Variants in UQCRC2 observed in about 807,000 individuals in gnomAD.
UQCRC2 encodes the protein cytochrome b-c1 complex subunit 2, mitochondrial.
In UQCRC2, 49 loss-of-function variants were observed where a neutral mutation model predicts 55.6. The observed-to-expected ratio is 0.88, with a 90% CI of 0.70 to 1.12. The LOEUF (loss-of-function observed/expected upper bound fraction) is 1.12, where lower values mean the gene tolerates loss of function less well. Ranked by LOEUF, UQCRC2 falls within the 50% of genes most tolerant of loss-of-function variation. The pLI is 0.00. For missense variants in UQCRC2, 506 were observed against 547.8 expected, an observed-to-expected ratio of 0.92 and a Z score of 0.76; for synonymous variants, 193 against 192.0, an observed-to-expected ratio of 1.01 and a Z score of -0.04.
chr16:21,955,437 A>AG (rs1278548333), intron 1 of UQCRC2, among the ~76,000 whole-genome samples: 1 of 152,224 alleles, frequency 6.6e-6, no homozygotes, highest in Non-Finnish European at 1.5e-5. Context: ...AACTCCAGTG[A>AG]GGAGGTGTTC....
chr16:21,964,275 G>A (rs1445676009), intron 6 of UQCRC2, among the ~76,000 whole-genome samples: 1 of 152,166 alleles, frequency 6.6e-6, no homozygotes, highest in African/African-American at 2.4e-5. Flanking sequence ...CTTCCCCACT[G>A]GCGGCAGTGA....
Position 21,980,807 on chromosome 16 carries a change from T to C in UQCRC2, c.1278+107T>C. On this transcript the variant is annotated intron_variant, in intron 13 of 13. Coordinates refer to ENST00000268379, the MANE Select transcript of UQCRC2 (RefSeq NM_003366.4). ...TTGGGCAGTGTATTATTCTTATGTT[T>C]GGTGCTCATCTACTTAATGTGGAGG... 2.3e-6 allele frequency: 3 copies of C among 1,312,034 alleles called. No homozygotes were observed. In the South Asian group the frequency reaches 4.5e-5, roughly 20 times the overall value. 81.3% of individuals were successfully genotyped at this position (1,312,034 alleles called of 1,614,324 possible). A position where few individuals can be genotyped will look rare whatever the true frequency, so the allele number is the denominator to read the frequency against.
At chr16:21,958,640 A>G (rs1293601643) in intron 4 of UQCRC2, 41 bp downstream of exon 4, 2 of 1,557,274 alleles carry the variant, frequency 1.3e-6, no homozygotes, top group African/African-American at 1.4e-5. Flanking sequence ...AAATGCCAGA[A>G]AATATTCAAT....
chr16:21,953,655 C>T (rs1898048229), intron 1 of UQCRC2, among the ~76,000 whole-genome samples, 199 bp downstream of exon 1: 1 of 152,080 alleles, frequency 6.6e-6, no homozygotes, highest in South Asian at 2.1e-4. Context: ...AGACCTAACA[C>T]CGGGAAACCT....
intron 13 of UQCRC2, among the ~76,000 whole-genome samples, 163 bp from the exon 14 acceptor site, chr16:21,982,925 C>T (rs554979150): frequency 6.9e-6 from 1 of 143,990 alleles, no homozygotes; most frequent in East Asian, 2.0e-4. Flanking sequence ...GATCGCAGCA[C>T]TGCACTCCAC....
Position 21,972,005 on chromosome 16 carries a change from A to C in UQCRC2, c.849A>C (p.Ala283=). ...AESAVAGSAE[A]NAFSVLQHVL... ...GTGCTGTCGCGGGAAGTGCAGAGGC[A>C]AATGCATTTAGTGTTCTTCAGCATG... Residue 283 remains alanine (A), a synonymous_variant, in exon 10 of 14, where the codon GCA becomes GCC. Coordinates refer to ENST00000268379, the MANE Select transcript of UQCRC2 (RefSeq NM_003366.4). The C allele has an allele frequency of 6.2e-7, 1 of 1,614,174 alleles. No individual in the cohort carries two copies. The highest frequency in any genetic ancestry group is 8.5e-7 in the Non-Finnish European group (1 of 1,180,026).
intron 8 of UQCRC2, 97 bp downstream of exon 8, chr16:21,968,782 A>G: frequency 9.1e-7 from 1 of 1,094,514 alleles, no homozygotes; most frequent in Non-Finnish European, 1.3e-6. Context: ...AAATTTGAAA[A>G]CTTCGGCCTT....
intron 1 of UQCRC2, among the ~76,000 whole-genome samples, chr16:21,955,025 A>G (rs1286386739): frequency 7.1e-6 from 1 of 141,392 alleles, no homozygotes; most frequent in Non-Finnish European, 1.5e-5. Flanking sequence ...GCTGCACTCC[A>G]GCCTAGACGA....
chr16:21,980,429 C>T (rs1314881781), intron 12 of UQCRC2, 118 bp from the exon 13 acceptor site: 1 of 1,033,304 alleles, frequency 9.7e-7, no homozygotes, highest in Non-Finnish European at 1.4e-6. Flanking sequence ...AAGAGGGAGA[C>T]ACGCTGTTAC....
At chr16:21,964,351 C>T (rs1030861218) in intron 6 of UQCRC2, among the ~76,000 whole-genome samples, 1 of 151,946 alleles carries the variant, frequency 6.6e-6, no homozygotes, top group Admixed American at 6.6e-5. Context: ...TGTCAGCCTC[C>T]AGGTTTACGT....
At chr16:21,976,109 G>T in intron 11 of UQCRC2, 58 bp from the exon 12 acceptor site, 1 of 1,218,506 alleles carries the variant, frequency 8.2e-7, no homozygotes. Context: ...AAGTGTGTCA[G>T]TGCTGCAGGA....
intron 1 of UQCRC2, among the ~76,000 whole-genome samples, chr16:21,955,396 G>A (rs1174934658): frequency 6.6e-6 from 1 of 152,212 alleles, no homozygotes; most frequent in Non-Finnish European, 1.5e-5. Context: ...ACAGAGTGGA[G>A]GCATTGCAGA....
intron 1 of UQCRC2, among the ~76,000 whole-genome samples, chr16:21,955,533 T>C (rs1898073850): frequency 6.6e-6 from 1 of 152,198 alleles, no homozygotes; most frequent in East Asian, 1.9e-4. Context: ...GAATGATTTG[T>C]ATGGCATTGT....
intron 4 of UQCRC2, chr16:21,959,756 T>C (rs1436082380): frequency 6.6e-6 from 1 of 152,222 alleles, no homozygotes; most frequent in Non-Finnish European, 1.5e-5. Flanking sequence ...TAATAAGACT[T>C]GAAAATAAAA....
At chr16:21,962,964 G>T (rs1038560814) in intron 6 of UQCRC2, 79 bp downstream of exon 6, 1 of 1,485,080 alleles carries the variant, frequency 6.7e-7, no homozygotes, top group Non-Finnish European at 9.0e-7. Flanking sequence ...AAAAAAAATT[G>T]CTGTCAAAAT....
intron 8 of UQCRC2, among the ~76,000 whole-genome samples, chr16:21,969,274 C>G (rs1297888684): frequency 6.6e-6 from 1 of 152,200 alleles, no homozygotes; most frequent in Non-Finnish European, 1.5e-5. Flanking sequence ...TGGCTCATGC[C>G]TGTAATCCTA....
At chr16:21,969,791 C>G (rs1898415058) in intron 8 of UQCRC2, among the ~76,000 whole-genome samples, 1 of 151,996 alleles carries the variant, frequency 6.6e-6, no homozygotes, top group South Asian at 2.1e-4. Context: ...CATCATCCCC[C>G]CAAAAGCCCC....
chr16:21,971,787 A>T, intron 9 of UQCRC2, 136 bp from the exon 10 acceptor site: 1 of 1,354,978 alleles, frequency 7.4e-7, no homozygotes, highest in Non-Finnish European at 1.0e-6. Context: ...GTGTTTGGGG[A>T]CAGGATGGCA....
At chr16:21,962,356 A>T in intron 4 of UQCRC2, 104 bp from the exon 5 acceptor site, 1 of 1,382,020 alleles carries the variant, frequency 7.2e-7, no homozygotes, top group Non-Finnish European at 1.0e-6. Flanking sequence ...CACCTTTTAT[A>T]CTTCAGAAAT....
Sources: allele counts gnomAD v4.1 joint callset (sites outside exome capture counted in the v4.1 genomes callset), GRCh38; gene constraint gnomAD v4.1.1; transcripts MANE v1.5; gene names NCBI Gene and HGNC (gene_info 2026-07-23, HGNC 2026-07-21).